Variants in USH2A observed in about 807,000 individuals in gnomAD.
The protein encoded by USH2A is usherin.
A neutral mutation model predicts 538.9 loss-of-function variants in USH2A; 443 were observed. The ratio of observed to expected loss-of-function variants is 0.82; its 90% CI spans 0.76 to 0.89. The LOEUF (loss-of-function observed/expected upper bound fraction) is 0.89. Ranked by LOEUF, USH2A falls within the 40% of genes least tolerant of loss-of-function variation. USH2A has a pLI of 0.00. For synonymous variants in USH2A, 2,413 were observed against 2,273.5 expected (o/e 1.06, Z -1.75); for missense variants, 6,633 against 6,324.8 (o/e 1.05, Z -1.65).
In USH2A at chr1:216,327,486, T is replaced by C. The variant is rs531888635; in HGVS notation, c.848+105A>G. On this transcript the variant is annotated intron_variant, in intron 5 of 71. Transcript: ENST00000307340. ...CATTAATTAGGTGAAGTTTGCCAAATGGTATAAAGATAAAAAATGGTATAA... is the reference window on the plus strand; with the variant it reads ...CATTAATTAGGTGAAGTTTGCCAAACGGTATAAAGATAAAAAATGGTATAA... The C allele has an allele frequency of 1.5e-5, 21 of 1,363,498 alleles. No homozygotes were observed. The South Asian group carries it at 2.1e-4, about 14-fold the overall frequency. 84.5% of individuals were successfully genotyped at this position (1,363,498 alleles called of 1,614,324 possible).
intron 57 of USH2A, among the ~76,000 whole-genome samples, 198 bp downstream of exon 57, chr1:215,759,462 G>A (rs1025307176): frequency 5.3e-5 from 8 of 151,916 alleles, no homozygotes; most frequent in African/African-American, 9.7e-5. Flanking sequence ...AACAGAAGAC[G>A]AATTATTTAT....
intron 61 of USH2A, 94 bp from the exon 62 acceptor site, chr1:215,680,470 T>C: frequency 7.8e-7 from 1 of 1,277,376 alleles, no homozygotes; most frequent in Non-Finnish European, 1.1e-6. Flanking sequence ...TGGCCAAAGC[T>C]TGTAGGCAAC....
intron 3 of USH2A, among the ~76,000 whole-genome samples, chr1:216,390,382 A>G (rs1052020151): frequency 2.6e-5 from 4 of 152,166 alleles, no homozygotes; most frequent in African/African-American, 9.7e-5. Flanking sequence ...AATTGAACAT[A>G]ACTGAAAAGT....
intron 36 of USH2A, among the ~76,000 whole-genome samples, chr1:215,966,429 G>T (rs1667350171): frequency 1.3e-5 from 2 of 152,036 alleles, no homozygotes; most frequent in African/African-American, 4.8e-5. Context: ...TATTCTTAAG[G>T]TACAAGCTCT....
At chr1:216,419,662 G>C (rs1475734545) in intron 2 of USH2A, among the ~76,000 whole-genome samples, 1 of 151,968 alleles carries the variant, frequency 6.6e-6, no homozygotes, top group Non-Finnish European at 1.5e-5. Context: ...AGTATTCTGA[G>C]GATACACACA....
chr1:215,917,425 A>G (rs992031620), intron 38 of USH2A, among the ~76,000 whole-genome samples: 4 of 152,076 alleles, frequency 2.6e-5, no homozygotes, highest in African/African-American at 7.2e-5. Context: ...AATATATACA[A>G]CAATACTGTT....
chr1:215,986,943 A>T (rs192072830), intron 35 of USH2A, among the ~76,000 whole-genome samples: 1 of 152,254 alleles, frequency 6.6e-6, no homozygotes, highest in South Asian at 2.1e-4. Flanking sequence ...TCTAATAAAG[A>T]AACTATTTTA....
At chr1:216,262,217 C>T (rs2036387515) in intron 11 of USH2A, among the ~76,000 whole-genome samples, 1 of 151,654 alleles carries the variant, frequency 6.6e-6, no homozygotes, top group Middle Eastern at 3.4e-3. Context: ...GTAACAGACC[C>T]CAAAGTAAAA....
intron 38 of USH2A, among the ~76,000 whole-genome samples, chr1:215,925,489 A>T (rs1666215155): frequency 6.6e-6 from 1 of 152,164 alleles, no homozygotes; most frequent in Admixed American, 6.6e-5. Context: ...ATGTAATATA[A>T]ATTGTGTAGC....
intron 64 of USH2A, among the ~76,000 whole-genome samples, chr1:215,670,149 T>G (rs1571944770): frequency 6.6e-6 from 1 of 152,196 alleles, no homozygotes; most frequent in Non-Finnish European, 1.5e-5. Context: ...TTAGGGATAT[T>G]TTATCACGAC....
At chr1:216,358,275 G>T (rs906455537) in intron 4 of USH2A, among the ~76,000 whole-genome samples, 1 of 152,106 alleles carries the variant, frequency 6.6e-6, no homozygotes. Context: ...AGACAGAAAA[G>T]ATCCATCTTG....
intron 20 of USH2A, among the ~76,000 whole-genome samples, chr1:216,177,064 C>T (rs74423224): frequency 6.6e-6 from 1 of 151,998 alleles, no homozygotes; most frequent in African/African-American, 2.4e-5. Flanking sequence ...TTTTTAACTC[C>T]GTTGAGTAAA....
In USH2A at chr1:215,798,992, G is replaced by T; in HGVS notation, c.9873C>A (p.Gly3291=). 6.2e-7 allele frequency: 1 copy of T among 1,613,978 alleles called. No homozygotes were observed. The highest frequency in any genetic ancestry group is 2.2e-5 in the East Asian group (1 of 44,858). ...CCAGRLHDGH[G]QKCCGRQIVS... ...CAATCTGTCTGCCACAGCACTTCTG[G>T]CCATGGCCATCATGAAGCCTCCCAG... Residue 3291 remains glycine (G), a synonymous_variant, in exon 50 of 72, where the codon GGC becomes GGA. Coordinates refer to ENST00000307340, the MANE Select transcript of USH2A (RefSeq NM_206933.4).
chr1:215,934,937 T>G, intron 37 of USH2A, 142 bp from the exon 38 acceptor site: 1 of 734,094 alleles, frequency 1.4e-6, no homozygotes, highest in Non-Finnish European at 2.1e-6. Flanking sequence ...TTACATGTGC[T>G]TCTATCAATG....
At chr1:215,729,606 T>C (rs375312663) in intron 60 of USH2A, among the ~76,000 whole-genome samples, 4 of 151,864 alleles carry the variant, frequency 2.6e-5, no homozygotes, top group East Asian at 1.9e-4. Context: ...AGTAATATAA[T>C]AGGAATTTGT....
chr1:215,789,679 T>C (rs1258238635), intron 51 of USH2A, among the ~76,000 whole-genome samples: 1 of 152,188 alleles, frequency 6.6e-6, no homozygotes, highest in Admixed American at 6.5e-5. Flanking sequence ...TGGTGGATGA[T>C]GGCTGGCGGG....
In USH2A at chr1:216,260,137, T is replaced by A. The variant is rs561808816; in HGVS notation, c.1972-9039A>T. On this transcript the variant is annotated intron_variant, in intron 11 of 71. Transcript: ENST00000307340. Reference sequence around the variant, plus strand: ...ACTTCAATTAAAAAAATAGGAATTTTAAAAAATATAACCCATAATTTTAAT... The same window carrying A: ...ACTTCAATTAAAAAAATAGGAATTTAAAAAAATATAACCCATAATTTTAAT... Among the ~76,000 whole-genome samples, 43 of 152,214 alleles carry A rather than the reference T, an allele frequency of 2.8e-4. No individual in the cohort carries two copies. The East Asian group carries it at 3.9e-3, about 14-fold the overall frequency.
At chr1:216,342,956 A>G (rs964903013) in intron 4 of USH2A, among the ~76,000 whole-genome samples, 3 of 152,068 alleles carry the variant, frequency 2.0e-5, no homozygotes, top group African/African-American at 7.2e-5. Flanking sequence ...CTATGTAACA[A>G]ACTTTCACGT....
At chr1:215,860,188 T>A (rs552801700) in intron 44 of USH2A, among the ~76,000 whole-genome samples, 1 of 152,324 alleles carries the variant, frequency 6.6e-6, no homozygotes, top group South Asian at 2.1e-4. Flanking sequence ...TGCAGAATCA[T>A]GAGCTAAGCA....
Sources: gnomAD v4.1 joint callset for allele counts (sites outside exome capture counted in the v4.1 genomes callset) on GRCh38, gnomAD v4.1.1 for gene constraint, MANE v1.5 for transcripts, NCBI Gene and HGNC (gene_info 2026-07-23, HGNC 2026-07-21) for gene names.